Variants in DOCK6 observed in about 807,000 individuals in gnomAD.
The protein encoded by DOCK6 is dedicator of cytokinesis protein 6.
DOCK6 carries 167 observed loss-of-function variants against 230.3 expected under a neutral mutation model. The ratio of observed to expected loss-of-function variants is 0.73; its 90% CI spans 0.64 to 0.82. The LOEUF (loss-of-function observed/expected upper bound fraction) is 0.82. DOCK6 is among the 40% of genes least tolerant of loss of function. The pLI is 0.00. For synonymous variants in DOCK6, 1,148 were observed against 1,185.0 expected, an observed-to-expected ratio of 0.97 and a Z score of 0.64; for missense variants, 2,598 against 2,825.8, an observed-to-expected ratio of 0.92 and a Z score of 1.83.
In DOCK6 at chr19:11,237,759, T is replaced by A; in HGVS notation, c.1853A>T (p.Glu618Val). 2 of 1,571,932 alleles carry A rather than the reference T, an allele frequency of 1.3e-6. No homozygotes were observed. Among genetic ancestry groups the A allele is most frequent in the East Asian group, 2.3e-5 (1 of 42,582 alleles). The change falls in exon 17 of 48, where the codon GAG becomes GTG. Residue 618 changes from glutamate to valine, a missense_variant. Glu to Val is a moderately radical substitution (Grantham distance 121, BLOSUM62 -2). Coordinates refer to ENST00000294618, the MANE Select transcript of DOCK6 (RefSeq NM_020812.4). ...YHNKSPEFYE[E>V]FKLHLPACVT... ...GCAGGCTGGAAGATGCAGCTTGAAC[T>A]CCTCGTAGAACTCGGGGGACCTGGC...
rs756376586 is a variant in DOCK6, at chr19:11,204,268, G to A, written c.5152C>T (p.Arg1718Cys). The A allele has an allele frequency of 3.7e-6, 6 of 1,603,456 alleles. No homozygotes were observed. Among genetic ancestry groups the A allele is most frequent in the African/African-American group, 1.3e-5 (1 of 74,482 alleles). ...ACCGCGGCCAGCTTCTTGTAGTCAC[G>A]GTGGGCTTCCAGGATGGGGATGAGG... is the stretch of plus-strand genomic sequence containing the variant. ...KNLIPILEAH[R>C]DYKKLAAVHG... The change falls in exon 40 of 48, where the codon CGT becomes TGT. Residue 1718 changes from arginine to cysteine, a missense_variant. Physicochemically the swap from Arg to Cys is radical, Grantham distance 180. Coordinates refer to ENST00000294618, the MANE Select transcript of DOCK6 (RefSeq NM_020812.4).
At position 11,202,606 on chromosome 19, in the gene DOCK6, G is replaced by A; in HGVS notation, c.5339C>T (p.Ala1780Val). The A allele has an allele frequency of 1.9e-6, 3 of 1,614,002 alleles. No homozygotes were observed. The highest frequency in any genetic ancestry group is 2.5e-6 in the Non-Finnish European group (3 of 1,179,894). Residue 1780 changes from alanine (A) to valine (V), a missense_variant, in exon 42 of 48, where the codon GCA becomes GTA. Ala to Val is a moderately conservative substitution (Grantham distance 64). Transcript: ENST00000294618. This position sits in a 1 kb window ranked among gnomAD's most constrained non-coding sequence, Gnocchi z 5.3. ...TGCCTCCAGCCGGTGTGAGATCTCT[G>A]CCAGCTTCGTGATCGATGGCTCCTT... ...VYKEPSITKLAEISHRLEEFY... is the reference protein window; with the variant it reads ...VYKEPSITKLVEISHRLEEFY...
chr19:11,242,710 T>C (rs1397416650), intron 13 of DOCK6, among the ~76,000 whole-genome samples: 1 of 151,350 alleles, frequency 6.6e-6, no homozygotes, highest in African/African-American at 2.4e-5. Flanking sequence ...GGTCTTGAGC[T>C]CCTGGGCTCA....
At position 11,236,757 on chromosome 19, in the gene DOCK6, C is replaced by A. The variant is rs1412152805; in HGVS notation, c.2160+36G>T. The A allele has an allele frequency of 1.3e-6, 2 of 1,550,030 alleles. No individual in the cohort carries two copies. The highest frequency in any genetic ancestry group is 4.9e-5 in the East Asian group (2 of 40,940). ...AATCGTAGGGCAGGCAAGAGGGGAG[C>A]AGGGCGGGACTCTTGGTTCCCGGCC... On this transcript the variant is annotated intron_variant, in intron 19 of 47. Transcript: ENST00000294618. The surrounding 1 kb of genome is among the most constrained non-coding windows in gnomAD (Gnocchi z 5.2).
chr19:11,257,646 A>G (rs552373797), intron 1 of DOCK6, among the ~76,000 whole-genome samples: 118 of 152,106 alleles, frequency 7.8e-4, no homozygotes, highest in African/African-American at 2.7e-3. Flanking sequence ...AAAATTAGCC[A>G]GGCATGGTGG....
Position 11,242,157 on chromosome 19 carries a change from G to A in DOCK6, c.1531C>T (p.Leu511Phe). The A allele has an allele frequency of 6.8e-7, 1 of 1,467,256 alleles. No individual in the cohort carries two copies. Among genetic ancestry groups the A allele is most frequent in the South Asian group, 1.6e-5 (1 of 63,188 alleles). 90.9% of individuals were successfully genotyped at this position (1,467,256 alleles called of 1,614,324 possible). ...TTGATATGAAGCAGCTCAGGGGAGA[G>A]GCAGAAGTGGGGATTTTCAGGAGCC... is the stretch of plus-strand genomic sequence containing the variant. ...SPAPENPHFCLSPELLHIKPY... is the reference protein window; with the variant it reads ...SPAPENPHFCFSPELLHIKPY... The change falls in exon 14 of 48, where the codon CTC (leucine) becomes TTC (phenylalanine). Residue 511 changes from leucine to phenylalanine, a missense_variant. Physicochemically the swap from Leu to Phe is conservative, Grantham distance 22. Coordinates refer to ENST00000294618, the MANE Select transcript of DOCK6 (RefSeq NM_020812.4).
chr19:11,223,053 G>A lies in DOCK6; in HGVS notation c.3009C>T (p.Asp1003=). 1 of 1,613,782 alleles carries A rather than the reference G, an allele frequency of 6.2e-7. No individual in the cohort carries two copies. The highest frequency in any genetic ancestry group is 8.5e-7 in the Non-Finnish European group (1 of 1,179,870). ...LNASLAFFLS[D]LLSLVDRGFV... is the part of the protein sequence containing the mutation. ...AGCCCCGGTCCACCAGGGACAGAAGGTCACTGAGGAAGAAAGCCAGGCTGG... is the reference window on the plus strand; with the variant it reads ...AGCCCCGGTCCACCAGGGACAGAAGATCACTGAGGAAGAAAGCCAGGCTGG... The change falls in exon 25 of 48, where the codon GAC becomes GAT. Residue 1003 remains aspartate (D), a synonymous_variant. Transcript: ENST00000294618.
intron 13 of DOCK6, among the ~76,000 whole-genome samples, chr19:11,242,837 C>T (rs977166532): frequency 5.3e-5 from 8 of 152,176 alleles, no homozygotes; most frequent in Admixed American, 2.6e-4. Flanking sequence ...CTGCCTGCCC[C>T]GCTGCCATTA....
intron 30 of DOCK6, 186 bp from the exon 31 acceptor site, chr19:11,216,113 A>G: frequency 1.8e-6 from 1 of 548,796 alleles, no homozygotes; most frequent in East Asian, 3.7e-5. Context: ...CTTGAAACAG[A>G]GTCTCTCTCA....
At position 11,237,619 on chromosome 19, in the gene DOCK6, A is replaced by C. The variant is rs748384369; in HGVS notation, c.1971+22T>G. Reference sequence around the variant, plus strand: ...TGGGGGACGAGGAGGGCTCAGGGGGAGGGAGGGAGGGGACGGCTCACAGTA... The same window carrying C: ...TGGGGGACGAGGAGGGCTCAGGGGGCGGGAGGGAGGGGACGGCTCACAGTA... On this transcript the variant is annotated intron_variant, in intron 17 of 47. Transcript: ENST00000294618. 9 of 168,244 alleles carry C rather than the reference A, an allele frequency of 5.3e-5. No individual in the cohort carries two copies. The East Asian group carries it at 1.4e-3, about 27-fold the overall frequency. The allele number at this position is 168,244 out of a possible 1,614,324, so 10.4% of individuals were successfully genotyped here.
rs539660006 is a variant in DOCK6 at position 11,201,897 on chromosome 19, G to A, written c.5680C>T (p.Arg1894Trp). The change falls in exon 44 of 48, where the codon CGG (arginine) becomes TGG (tryptophan). Residue 1894 changes from arginine to tryptophan, a missense_variant. Arg to Trp is a moderately radical substitution (Grantham distance 101). Transcript: ENST00000294618. This position sits in a 1 kb window ranked among gnomAD's most constrained non-coding sequence, Gnocchi z 4.3. ...CCAGGATCCCCACCCACCTCCTCCC[G>A]GTGGCACACACGGATGCGAGTCTTG... ...YIKTRIRVCHREETVLTPVEV... is the reference protein window; with the variant it reads ...YIKTRIRVCHWEETVLTPVEV... The A allele has an allele frequency of 3.2e-5, 37 of 1,150,064 alleles. No homozygotes were observed. In the East Asian group the frequency reaches 1.2e-3, roughly 39 times the overall value. 71.2% of individuals were successfully genotyped at this position (1,150,064 alleles called of 1,614,324 possible).
intron 22 of DOCK6, among the ~76,000 whole-genome samples, chr19:11,232,838 G>A (rs887938703): frequency 6.6e-6 from 1 of 151,894 alleles, no homozygotes; most frequent in Admixed American, 6.6e-5. Context: ...TGCATGGGGT[G>A]AATGTGTATA....
intron 18 of DOCK6, 198 bp downstream of exon 18, chr19:11,237,258 A>C (rs774130349): frequency 9.7e-5 from 62 of 641,776 alleles, no homozygotes; most frequent in Non-Finnish European, 1.5e-4. Flanking sequence ...GGAATGGAGC[A>C]GAGAGGCAAT....
rs1407428981 is a variant in DOCK6, at chr19:11,227,579, G to GGGCTGTGGGTGGGGCTT, written c.2815-103_2815-102insAAGCCCCACCCACAGCC. The GGGCTGTGGGTGGGGCTT allele has an allele frequency of 2.7e-5, 39 of 1,420,732 alleles. No homozygotes were observed. In the African/African-American group the frequency reaches 4.5e-4, roughly 16 times the overall value. 88.0% of individuals were successfully genotyped at this position (1,420,732 alleles called of 1,614,324 possible). On this transcript the variant is annotated intron_variant, in intron 23 of 47. Transcript: ENST00000294618. ...TGAAGGGCTGTGGGTGGGGCTTGAA[G>GGGCTGTGGGTGGGGCTT]GACTGTGGGTGGGGCTTGAAGGGCT... is the stretch of plus-strand genomic sequence containing the variant.
In DOCK6 at chr19:11,215,378, C is replaced by A; in HGVS notation, c.4106+9G>T. 6.2e-7 allele frequency: 1 copy of A among 1,613,116 alleles called. No individual in the cohort carries two copies. The highest frequency in any genetic ancestry group is 2.2e-5 in the East Asian group (1 of 44,868). On this transcript the variant is annotated intron_variant, in intron 32 of 47. Coordinates refer to ENST00000294618, the MANE Select transcript of DOCK6 (RefSeq NM_020812.4). ...TGAACTCAGCAGACACCCTCCTGCCCACACCTACTTGTCCACGCGGTCTGA... is the reference window on the plus strand; with the variant it reads ...TGAACTCAGCAGACACCCTCCTGCCAACACCTACTTGTCCACGCGGTCTGA...
At chr19:11,258,340 C>T (rs564376940) in intron 1 of DOCK6, among the ~76,000 whole-genome samples, 1 of 152,250 alleles carries the variant, frequency 6.6e-6, no homozygotes, top group South Asian at 2.1e-4. Context: ...TGGAGATAGT[C>T]CCCATGGGAA....
chr19:11,237,850 G>T, intron 16 of DOCK6, 71 bp from the exon 17 acceptor site: 1 of 1,493,184 alleles, frequency 6.7e-7, no homozygotes, highest in Non-Finnish European at 9.1e-7. Context: ...CCTCTGCCAT[G>T]CCACGCCCTT....
In DOCK6 at chr19:11,209,078, G is replaced by T. The variant is rs2079317237; in HGVS notation, c.4777C>A (p.Pro1593Thr). ...YRIARGYQGS[P>T]DLRLTWLQNM... ...TGCAACCAGGTCAGCCGAAGGTCCG[G>T]TGAGCCCTGGTAGCCCCGGGCAATT... Residue 1593 changes from proline (P) to threonine (T), a missense_variant, in exon 38 of 48, where the codon CCG (proline) becomes ACG (threonine). Pro to Thr is a conservative substitution (Grantham distance 38). Transcript: ENST00000294618. 6.2e-7 allele frequency: 1 copy of T among 1,612,182 alleles called. No individual in the cohort carries two copies. Among genetic ancestry groups the T allele is most frequent in the Middle Eastern group, 1.7e-4 (1 of 5,972 alleles).
At position 11,214,643 on chromosome 19, in the gene DOCK6, C is replaced by T. The variant is rs748080883; in HGVS notation, c.4113G>A (p.Lys1371=). 3 of 1,613,466 alleles carry T rather than the reference C, an allele frequency of 1.9e-6. No homozygotes were observed. The highest frequency in any genetic ancestry group is 1.6e-4 in the Middle Eastern group (1 of 6,084). Residue 1371 remains lysine (K), a synonymous_variant, in exon 33 of 48, where the codon AAG becomes AAA. Transcript: ENST00000294618. The part of the protein sequence containing the change: ...KQTSDRVDKT[K]DEMEHEALVE... ...CCAAGGCCTCGTGTTCCATTTCATC[C>T]TTGGTCCTGGAAGGGGAAAGGAGGT...
Sources: allele counts gnomAD v4.1 joint callset (sites outside exome capture counted in the v4.1 genomes callset), GRCh38; gene constraint gnomAD v4.1.1; non-coding constraint Gnocchi (gnomAD v3.1); transcripts MANE v1.5; gene names NCBI Gene and HGNC (gene_info 2026-07-23, HGNC 2026-07-21).